PLPPR1: variants seen among roughly 807,000 people sequenced by gnomAD.
PLPPR1 encodes phospholipid phosphatase related 1.
In PLPPR1, 10 loss-of-function variants were observed where a neutral mutation model predicts 33.1. The ratio of observed to expected loss-of-function variants is 0.30; its 90% confidence interval spans 0.19 to 0.51. The LOEUF is 0.51. Ranked by LOEUF, PLPPR1 falls within the 20% of genes least tolerant of loss-of-function variation. The pLI, the probability that PLPPR1 is intolerant of heterozygous loss-of-function variation, is 0.97. For synonymous variants in PLPPR1, 151 were observed against 151.0 expected (o/e 1.00, Z 0.00); for missense variants, 304 against 408.1 (o/e 0.74, Z 2.20).
chr9:101,272,949 T>G (rs1478707120), intron 3 of PLPPR1, among the ~76,000 whole-genome samples: 1 of 152,218 alleles, frequency 6.6e-6, no homozygotes, highest in East Asian at 1.9e-4. Flanking sequence ...GATTTGTATA[T>G]AGGGATGTTC....
intron 7 of PLPPR1, among the ~76,000 whole-genome samples, chr9:101,320,561 A>G (rs145441799): frequency 1.7e-3 from 264 of 152,350 alleles, no homozygotes; most frequent in African/African-American, 6.2e-3. Context: ...GGACTTCTGC[A>G]GGCTAGCCAG....
chr9:101,243,800 G>A (rs1184911923), intron 2 of PLPPR1, among the ~76,000 whole-genome samples: 1 of 151,912 alleles, frequency 6.6e-6, no homozygotes, highest in Non-Finnish European at 1.5e-5. Flanking sequence ...GAAAAGCTTA[G>A]TAGAAAGTAA....
At chr9:101,068,177 A>G (rs758411166) in intron 1 of PLPPR1, among the ~76,000 whole-genome samples, 4 of 152,140 alleles carry the variant, frequency 2.6e-5, no homozygotes, top group Non-Finnish European at 5.9e-5. Context: ...CCTTACATAT[A>G]TTAACTGAAT....
chr9:101,186,444 G>A (rs762094086), intron 2 of PLPPR1, among the ~76,000 whole-genome samples: 14 of 151,758 alleles, frequency 9.2e-5, no homozygotes, highest in Admixed American at 2.0e-4. Flanking sequence ...CCAGGGGTGA[G>A]CTGTAGCATA....
chr9:101,101,204 A>C (rs915254202), intron 1 of PLPPR1, among the ~76,000 whole-genome samples: 2 of 152,140 alleles, frequency 1.3e-5, no homozygotes, highest in Non-Finnish European at 2.9e-5. Context: ...GGATTTATCA[A>C]AGTTAGGACC....
chr9:101,063,420 G>A (rs1253393897), intron 1 of PLPPR1, among the ~76,000 whole-genome samples: 1 of 151,956 alleles, frequency 6.6e-6, no homozygotes, highest in Non-Finnish European at 1.5e-5. Context: ...TTCTAGTGGT[G>A]GCACTTCCAC....
intron 2 of PLPPR1, among the ~76,000 whole-genome samples, chr9:101,243,120 A>C (rs1827511022): frequency 6.6e-6 from 1 of 152,060 alleles, no homozygotes; most frequent in African/African-American, 2.4e-5. Flanking sequence ...ACATGTAGGT[A>C]ACCTTACCTG....
chr9:101,125,685 T>C lies in PLPPR1; in HGVS notation c.-45-59765T>C, dbSNP rs144565621. 637 of 630,060 alleles carry C rather than the reference T, an allele frequency of 1.0e-3. 3 individuals carry two copies. The highest frequency in any genetic ancestry group is 9.9e-3 in the African/African-American group (543 of 54,982). The allele number at this position is 630,060 out of a possible 1,614,324, so 39.0% of individuals were successfully genotyped here. A position where few individuals can be genotyped will look rare whatever the true frequency, so the allele number is the denominator to read the frequency against. On this transcript the variant is annotated intron_variant, in intron 1 of 7. Transcript: ENST00000374874. ...CACATATTTAGCAAAACAATGACCATTGTAACATTACAGGCCCCATAAAGA... is the reference window on the plus strand; with the variant it reads ...CACATATTTAGCAAAACAATGACCACTGTAACATTACAGGCCCCATAAAGA...
chr9:101,183,434 T>A (rs1442848062), intron 1 of PLPPR1, among the ~76,000 whole-genome samples: 1 of 151,698 alleles, frequency 6.6e-6, no homozygotes, highest in African/African-American at 2.4e-5. Context: ...TTCTATTCAT[T>A]TAAAATATCC....
At chr9:101,211,232 TGTCCTAGTAC>T (rs1408148285) in intron 2 of PLPPR1, among the ~76,000 whole-genome samples, 1 of 152,208 alleles carries the variant, frequency 6.6e-6, no homozygotes, top group Non-Finnish European at 1.5e-5. Flanking sequence ...ACCCAGGAGC[TGTCCTAGTAC>T]TATCAACCGG....
intron 2 of PLPPR1, among the ~76,000 whole-genome samples, chr9:101,238,152 C>T (rs1827358008): frequency 7.4e-6 from 1 of 135,276 alleles, no homozygotes; most frequent in Non-Finnish European, 1.6e-5. Context: ...CATATATATA[C>T]ATATACACAC....
intron 2 of PLPPR1, among the ~76,000 whole-genome samples, chr9:101,248,193 G>T (rs907830387): frequency 6.6e-6 from 1 of 151,998 alleles, no homozygotes; most frequent in Non-Finnish European, 1.5e-5. Flanking sequence ...TTCACACACT[G>T]AGTTCCCTAC....
intron 1 of PLPPR1, among the ~76,000 whole-genome samples, chr9:101,036,479 A>C (rs1830012032): frequency 6.6e-6 from 1 of 152,164 alleles, no homozygotes; most frequent in Non-Finnish European, 1.5e-5. Context: ...CATCTAGACT[A>C]GTCCTTAATT....
intron 1 of PLPPR1, among the ~76,000 whole-genome samples, chr9:101,172,844 A>G (rs1825963783): frequency 6.6e-6 from 1 of 152,042 alleles, no homozygotes; most frequent in Non-Finnish European, 1.5e-5. Context: ...TAGGGCAATC[A>G]TGGGGCTCAC....
At chr9:101,083,212 G>T (rs931120174) in intron 1 of PLPPR1, among the ~76,000 whole-genome samples, 2 of 151,786 alleles carry the variant, frequency 1.3e-5, no homozygotes, top group South Asian at 4.2e-4. Context: ...AGGCTGGAGT[G>T]CAGTGGCGCA....
intron 1 of PLPPR1, among the ~76,000 whole-genome samples, chr9:101,127,643 C>T (rs796155453): frequency 7.9e-5 from 12 of 152,274 alleles, no homozygotes; most frequent in Middle Eastern, 3.4e-3. Flanking sequence ...TCCAGAGCCA[C>T]GAGCCCTGGA....
chr9:101,041,933 A>G (rs1405551804), intron 1 of PLPPR1, among the ~76,000 whole-genome samples: 2 of 152,230 alleles, frequency 1.3e-5, no homozygotes, highest in African/African-American at 2.4e-5. Flanking sequence ...AAGTTTAACC[A>G]TGTTAAAAGA....
chr9:101,138,171 AATACAG>A (rs1270735385), intron 1 of PLPPR1, among the ~76,000 whole-genome samples: 1 of 152,224 alleles, frequency 6.6e-6, no homozygotes, highest in African/African-American at 2.4e-5. Context: ...GCTATGGGTC[AATACAG>A]ATCAGAGTTC....
intron 1 of PLPPR1, among the ~76,000 whole-genome samples, chr9:101,079,167 T>G (rs754557730): frequency 3.9e-5 from 6 of 152,212 alleles, no homozygotes; most frequent in Admixed American, 6.5e-5. Context: ...TATCTTCTTG[T>G]AGAAATCATT....
Sources: allele counts gnomAD v4.1 joint callset (sites outside exome capture counted in the v4.1 genomes callset), GRCh38; gene constraint gnomAD v4.1.1; transcripts MANE v1.5; gene names NCBI Gene and HGNC (gene_info 2026-07-23, HGNC 2026-07-21).